Variants in FGR observed in about 807,000 individuals in gnomAD.
FGR encodes FGR proto-oncogene, Src family tyrosine kinase, also known as tyrosine-protein kinase Fgr.
A neutral mutation model predicts 63.2 loss-of-function variants in FGR; 26 were observed. That is an observed-to-expected ratio of 0.41 (90% CI 0.30 to 0.57). FGR has a LOEUF of 0.57. FGR is among the 20% of genes least tolerant of loss of function. FGR has a pLI of 0.27. For missense variants in FGR, 511 were observed against 690.8 expected, an observed-to-expected ratio of 0.74 and a Z score of 2.92; for synonymous variants, 286 against 277.7, an observed-to-expected ratio of 1.03 and a Z score of -0.30.
At position 27,615,396 on chromosome 1, in the gene FGR, C is replaced by A; in HGVS notation, c.1018+38G>T. The A allele has an allele frequency of 6.3e-7, 1 of 1,578,644 alleles. No individual in the cohort carries two copies. Among genetic ancestry groups the A allele is most frequent in the Non-Finnish European group, 8.7e-7 (1 of 1,155,458 alleles). On this transcript the variant is annotated intron_variant, in intron 9 of 12. Transcript: ENST00000374005. The surrounding 1 kb of genome is among the most constrained non-coding windows in gnomAD (Gnocchi z 7.6). ...CGCCTGAAAACTCCCCTCTTAACTTCACCCCGAATCCCGCCCGACCAGGCT... is the reference window on the plus strand; with the variant it reads ...CGCCTGAAAACTCCCCTCTTAACTTAACCCCGAATCCCGCCCGACCAGGCT...
At chr1:27,614,359 G>C (rs2089756888) in intron 11 of FGR, 71 bp downstream of exon 11, 1 of 1,520,262 alleles carries the variant, frequency 6.6e-7, no homozygotes, top group Non-Finnish European at 8.9e-7. Flanking sequence ...AAGGGTTCCT[G>C]AGTGCGTGGG....
intron 1 of FGR, among the ~76,000 whole-genome samples, chr1:27,632,959 G>T (rs1367371184): frequency 2.0e-5 from 3 of 152,160 alleles, no homozygotes; most frequent in Admixed American, 2.0e-4. Flanking sequence ...GCCTCCTGAG[G>T]TCTGGCCACT....
rs1435547867 is a variant in FGR, at chr1:27,617,273, C to T, written c.452G>A (p.Arg151Lys). The change falls in exon 6 of 13, where the codon AGA becomes AAA. Residue 151 changes from arginine to lysine, a missense_variant. By Grantham distance (26) the Arg-to-Lys change is conservative. Coordinates refer to ENST00000374005, the MANE Select transcript of FGR (RefSeq NM_005248.3). The surrounding 1 kb of genome is among the most constrained non-coding windows in gnomAD (Gnocchi z 4.5). ...AEEWYFGKIG[R>K]KDAERQLLSP... ...AAGCAGCTGCCTCTCTGCATCCTTT[C>T]TCCCAATCTTTCCAAAGTACCACCT... is the stretch of plus-strand genomic sequence containing the variant. The T allele has an allele frequency of 6.2e-7, 1 of 1,614,116 alleles. No individual in the cohort carries two copies. Among genetic ancestry groups the T allele is most frequent in the Non-Finnish European group, 8.5e-7 (1 of 1,179,966 alleles).
chr1:27,614,828 T>A (rs1423370414), intron 10 of FGR, 22 bp downstream of exon 10: 1 of 1,571,096 alleles, frequency 6.4e-7, no homozygotes, highest in Non-Finnish European at 8.7e-7. Context: ...GTCCGGGAGG[T>A]AAAGGCTGCT....
intron 1 of FGR, among the ~76,000 whole-genome samples, chr1:27,631,591 C>G (rs79532776): frequency 0.046 from 7,037 of 152,272 alleles, 214 homozygotes; most frequent in Non-Finnish European, 0.068. Flanking sequence ...TGTCCACCTC[C>G]TGGGGTTGCT....
chr1:27,625,497 C>CA (rs1266320339), intron 1 of FGR, among the ~76,000 whole-genome samples: 2 of 152,218 alleles, frequency 1.3e-5, no homozygotes, highest in Non-Finnish European at 2.9e-5. Context: ...CACACACATA[C>CA]ACATGCACAT....
chr1:27,628,577 G>A (rs1003480804), intron 1 of FGR, among the ~76,000 whole-genome samples: 2 of 134,448 alleles, frequency 1.5e-5, no homozygotes, highest in Admixed American at 8.2e-5. Flanking sequence ...AGCCCTCTCC[G>A]GTGACATGGA....
At chr1:27,614,997 C>A in intron 9 of FGR, 71 bp from the exon 10 acceptor site, 1 of 1,293,064 alleles carries the variant, frequency 7.7e-7, no homozygotes. Context: ...CTCGCTTGAC[C>A]CCGCCCCTCA....
Position 27,614,873 on chromosome 1 carries a change from G to T in FGR, c.1072C>A (p.Gln358Lys). The change falls in exon 10 of 13, where the codon CAA becomes AAA. Residue 358 changes from glutamine (Q) to lysine (K), a missense_variant. Physicochemically the swap from Gln to Lys is moderately conservative, Grantham distance 53. Transcript: ENST00000374005. ...ACCTGGGCTGCCATGTCCACCAATT[G>T]GGGCAGCCTCAAATCCTGGCCCTCT... Reference protein sequence around the residue: ...NPEGQDLRLPQLVDMAAQVAE... With the variant: ...NPEGQDLRLPKLVDMAAQVAE... 1 of 1,596,122 alleles carries T rather than the reference G, an allele frequency of 6.3e-7. No individual in the cohort carries two copies. The highest frequency in any genetic ancestry group is 8.5e-7 in the Non-Finnish European group (1 of 1,170,100).
In FGR at chr1:27,622,407, T is replaced by C. The variant is rs80096482; in HGVS notation, c.329+635A>G. On this transcript the variant is annotated intron_variant, in intron 4 of 12. Coordinates refer to ENST00000374005, the MANE Select transcript of FGR (RefSeq NM_005248.3). The stretch of plus-strand genomic sequence containing the variant: ...CCACCTAAGGTGAACCACTTTGTGG[T>C]TTCCAGAAGTCATCATTTATTCTCA... Among the ~76,000 whole-genome samples the C allele has an allele frequency of 5.2e-3, 794 of 152,262 alleles. 8 individuals are homozygous for C. The highest frequency in any genetic ancestry group is 0.018 in the African/African-American group (762 of 41,558).
intron 1 of FGR, 80 bp downstream of exon 1, chr1:27,634,985 A>C (rs1571414745): frequency 1.3e-5 from 2 of 151,166 alleles, no homozygotes; most frequent in African/African-American, 4.9e-5. Context: ...CTTCCCGTGT[A>C]CCCCCAGTCC....
chr1:27,623,905 C>T lies in FGR; in HGVS notation c.12G>A (p.Val4=). 3.1e-6 allele frequency: 5 copies of T among 1,597,030 alleles called. No individual in the cohort carries two copies. Among genetic ancestry groups the T allele is most frequent in the Non-Finnish European group, 4.3e-6 (5 of 1,169,594 alleles). Residue 4 remains valine (V), a synonymous_variant, in exon 3 of 13, where the codon GTG becomes GTA. Transcript: ENST00000374005. The part of the protein sequence containing the change: MGC[V]FCKKLEPVAT... ...CCACCGGCTCCAATTTCTTGCAGAA[C>T]ACACAGCCCATTCCAGGTTCCCTGC...
At chr1:27,624,287 G>A (rs2089982666) in intron 2 of FGR, among the ~76,000 whole-genome samples, 1 of 152,196 alleles carries the variant, frequency 6.6e-6, no homozygotes, top group African/African-American at 2.4e-5. Flanking sequence ...CCAGGCTGGA[G>A]TGCAGTGGCA....
intron 3 of FGR, chr1:27,623,436 T>G: frequency 1.7e-6 from 1 of 598,820 alleles, no homozygotes; most frequent in Non-Finnish European, 3.0e-6. Flanking sequence ...GGCAAGAAGT[T>G]TCTCTTTGTC....
intron 1 of FGR, among the ~76,000 whole-genome samples, chr1:27,629,227 A>G (rs2090070482): frequency 6.6e-6 from 1 of 152,116 alleles, no homozygotes; most frequent in African/African-American, 2.4e-5. Flanking sequence ...AAAGAAAAGA[A>G]AAGAAAAAGC....
chr1:27,614,774 C>T (rs911666778), intron 10 of FGR, 76 bp downstream of exon 10: 6 of 1,432,844 alleles, frequency 4.2e-6, no homozygotes, highest in Non-Finnish European at 9.6e-7. Context: ...CCCTCCCAGG[C>T]GTTTGAAGGG....
Position 27,617,398 on chromosome 1 carries a change from G to T in FGR, c.429-102C>A. ...AGCCAAGACTCCATTTTCCCCATGT[G>T]TAAAATGGGGCTGGTACACCTGCTT... On this transcript the variant is annotated intron_variant, in intron 5 of 12. Coordinates refer to ENST00000374005, the MANE Select transcript of FGR (RefSeq NM_005248.3). This position sits in a 1 kb window ranked among gnomAD's most constrained non-coding sequence, Gnocchi z 4.5. 1 of 791,972 alleles carries T rather than the reference G, an allele frequency of 1.3e-6. No individual in the cohort carries two copies. Among genetic ancestry groups the T allele is most frequent in the Non-Finnish European group, 2.2e-6 (1 of 462,840 alleles). The allele number at this position is 791,972 out of a possible 1,614,324, so 49.1% of individuals were successfully genotyped here. A position where few individuals can be genotyped will look rare whatever the true frequency, so the allele number is the denominator to read the frequency against.
intron 4 of FGR, among the ~76,000 whole-genome samples, chr1:27,622,515 T>A (rs1045286574): frequency 6.6e-6 from 1 of 152,010 alleles, no homozygotes; most frequent in Admixed American, 6.6e-5. Context: ...ATTATTTATT[T>A]ATTTTTTTGA....
chr1:27,632,811 A>G (rs1260670521), intron 1 of FGR, among the ~76,000 whole-genome samples: 1 of 152,082 alleles, frequency 6.6e-6, no homozygotes, highest in Non-Finnish European at 1.5e-5. Context: ...GCCAGACAGG[A>G]AGCCCCCTCC....
Sources: allele counts gnomAD v4.1 joint callset (sites outside exome capture counted in the v4.1 genomes callset), GRCh38; gene constraint gnomAD v4.1.1; non-coding constraint Gnocchi (gnomAD v3.1); transcripts MANE v1.5; gene names NCBI Gene and HGNC (gene_info 2026-07-23, HGNC 2026-07-21).